The following CACNB4 variants were observed in gnomAD, a reference collection of about 807,000 sequenced individuals.
CACNB4 encodes the protein calcium voltage-gated channel auxiliary subunit beta 4.
In CACNB4, 32 loss-of-function variants were observed where a neutral mutation model predicts 71.2. The ratio of observed to expected loss-of-function variants is 0.45; its 90% CI spans 0.34 to 0.60. The LOEUF (loss-of-function observed/expected upper bound fraction) is 0.60. Among genes scored for constraint, CACNB4 ranks in the 20% least tolerant of loss-of-function variants. The pLI, the probability that CACNB4 is intolerant of heterozygous loss-of-function variation, is 0.01. For synonymous variants in CACNB4, 231 were observed against 236.9 expected (o/e 0.97, Z 0.23); for missense variants, 464 against 647.9 (o/e 0.72, Z 3.08).
At chr2:152,013,547 TC>T (rs1397645862) in intron 2 of CACNB4, among the ~76,000 whole-genome samples, 3 of 152,048 alleles carry the variant, frequency 2.0e-5, no homozygotes, top group Non-Finnish European at 4.4e-5. Flanking sequence ...CATGATGGAA[TC>T]CTGGGGTTCA....
intron 3 of CACNB4, among the ~76,000 whole-genome samples, chr2:151,881,350 T>C (rs898198572): frequency 6.6e-6 from 1 of 152,010 alleles, no homozygotes; most frequent in Non-Finnish European, 1.5e-5. Flanking sequence ...ATTTTTTAAA[T>C]AGTCCAGATC....
intron 12 of CACNB4, among the ~76,000 whole-genome samples, chr2:151,842,970 A>G (rs1489764526): frequency 6.6e-6 from 1 of 152,254 alleles, no homozygotes; most frequent in Admixed American, 6.5e-5. Context: ...TTTAGGATTA[A>G]TAACAGAAAA....
intron 2 of CACNB4, among the ~76,000 whole-genome samples, chr2:151,896,377 T>G (rs2099852070): frequency 6.6e-6 from 1 of 152,210 alleles, no homozygotes; most frequent in Non-Finnish European, 1.5e-5. Flanking sequence ...GGGCCCCTTG[T>G]GCACATGCTG....
intron 2 of CACNB4, among the ~76,000 whole-genome samples, chr2:152,019,140 C>G (rs968073358): frequency 2.6e-5 from 4 of 152,178 alleles, no homozygotes; most frequent in African/African-American, 9.7e-5. Flanking sequence ...ACCAGTATTG[C>G]ATTAGTGCTT....
intron 12 of CACNB4, among the ~76,000 whole-genome samples, chr2:151,843,763 G>A (rs1001172150): frequency 1.3e-5 from 2 of 152,314 alleles, no homozygotes; most frequent in African/African-American, 4.8e-5. Flanking sequence ...CTGAAATTAG[G>A]TTAATGGCAA....
Position 152,076,317 on chromosome 2 carries a change from GTT to G in CACNB4, c.147+22011_147+22012del, listed in dbSNP as rs5835407. Among the ~76,000 whole-genome samples the G allele has an allele frequency of 2.6e-3, 318 of 122,468 alleles. 3 individuals carry two copies. In the Middle Eastern group the frequency reaches 0.033, roughly 13 times the overall value. 80.3% of individuals were successfully genotyped at this position (122,468 alleles called of 152,430 possible). A position where few individuals can be genotyped will look rare whatever the true frequency, so the allele number is the denominator to read the frequency against. ...ACACCACACCTGGCTAATTTTTTGG[GTT>G]TTTTTTTTTTTTTTTGTATTTTTTT... is the stretch of plus-strand genomic sequence containing the variant. On this transcript the variant is annotated intron_variant, in intron 2 of 13. Transcript: ENST00000539935.
At chr2:152,042,910 C>A (rs562146499) in intron 2 of CACNB4, among the ~76,000 whole-genome samples, 52 of 152,254 alleles carry the variant, frequency 3.4e-4, no homozygotes, top group East Asian at 3.9e-4. Flanking sequence ...CTAAAACCCA[C>A]CAAAACCAAG....
At chr2:152,066,629 C>A (rs539937543) in intron 2 of CACNB4, among the ~76,000 whole-genome samples, 2 of 150,346 alleles carry the variant, frequency 1.3e-5, no homozygotes, top group South Asian at 4.2e-4. Flanking sequence ...TTTGACCTAG[C>A]CATCCCATTA....
chr2:151,909,702 G>A (rs1026249296), intron 2 of CACNB4, among the ~76,000 whole-genome samples: 3 of 152,114 alleles, frequency 2.0e-5, no homozygotes, highest in Non-Finnish European at 4.4e-5. Context: ...TTAGTTTGCT[G>A]AGGATGATGG....
intron 10 of CACNB4, chr2:151,857,467 A>G (rs1302297961): frequency 6.6e-6 from 1 of 152,198 alleles, no homozygotes; most frequent in Non-Finnish European, 1.5e-5. Context: ...AATGTAGCAT[A>G]TTTGTCCCCT....
At chr2:151,940,404 G>A (rs1288381813) in intron 2 of CACNB4, among the ~76,000 whole-genome samples, 1 of 152,220 alleles carries the variant, frequency 6.6e-6, no homozygotes, top group Non-Finnish European at 1.5e-5. Context: ...AAAAAGGCAG[G>A]AAAGGGTTAA....
chr2:151,890,502 A>T (rs1236589076), intron 2 of CACNB4, among the ~76,000 whole-genome samples: 1 of 152,214 alleles, frequency 6.6e-6, no homozygotes, highest in Non-Finnish European at 1.5e-5. Context: ...CAACAAGAAC[A>T]TCCTCACACA....
At chr2:151,961,846 T>C (rs1184243673) in intron 2 of CACNB4, among the ~76,000 whole-genome samples, 2 of 152,092 alleles carry the variant, frequency 1.3e-5, no homozygotes, top group South Asian at 2.1e-4. Context: ...GAGCCATGAT[T>C]GCGCCACTGC....
intron 10 of CACNB4, chr2:151,857,939 G>C (rs1239161421): frequency 6.6e-6 from 1 of 152,304 alleles, no homozygotes; most frequent in Non-Finnish European, 1.5e-5. Context: ...TGCTTGGGCA[G>C]AACAAGCCAG....
intron 2 of CACNB4, among the ~76,000 whole-genome samples, chr2:152,050,298 T>G (rs914079796): frequency 6.6e-6 from 1 of 152,192 alleles, no homozygotes; most frequent in Admixed American, 6.5e-5. Flanking sequence ...CTGCTATTGA[T>G]GAAGCGGACA....
At chr2:152,076,139 T>TTC (rs2105394740) in intron 2 of CACNB4, among the ~76,000 whole-genome samples, 1 of 126,514 alleles carries the variant, frequency 7.9e-6, no homozygotes, top group East Asian at 2.2e-4. Context: ...CTCTTTTCTT[T>TTC]TTTTTTTTTT....
intron 2 of CACNB4, among the ~76,000 whole-genome samples, chr2:151,929,096 A>G (rs955109078): frequency 7.2e-5 from 11 of 152,116 alleles, no homozygotes; most frequent in Non-Finnish European, 1.6e-4. Context: ...CATTCCATCT[A>G]AGGCTGAAAA....
chr2:151,872,731 T>A (rs917599483), intron 5 of CACNB4: 7 of 342,286 alleles, frequency 2.0e-5, no homozygotes, highest in Non-Finnish European at 3.2e-5. Context: ...AGTTACTCAG[T>A]GCGGAAATCA....
At position 152,079,154 on chromosome 2, in the gene CACNB4, T is replaced by A. The variant is rs554239783; in HGVS notation, c.147+19176A>T. ...CCCAGGCTGGAGTGCAGTGGCTCGA[T>A]CTAAGCTCACTGTAAGCTCCGCCTC... On this transcript the variant is annotated intron_variant, in intron 2 of 13. Coordinates refer to ENST00000539935, the MANE Select transcript of CACNB4 (RefSeq NM_000726.5). Among the ~76,000 whole-genome samples, 2 of 152,058 alleles carry A rather than the reference T, an allele frequency of 1.3e-5. 1 individual carries two copies. The highest frequency in any genetic ancestry group is 4.2e-4 in the South Asian group (2 of 4,812).
Sources: gnomAD v4.1 joint callset for allele counts (sites outside exome capture counted in the v4.1 genomes callset) on GRCh38, gnomAD v4.1.1 for gene constraint, MANE v1.5 for transcripts, NCBI Gene and HGNC (gene_info 2026-07-23, HGNC 2026-07-21) for gene names.